VTI1A: variants seen among roughly 807,000 people sequenced by gnomAD.
VTI1A encodes the protein vesicle transport through interaction with t-SNAREs homolog 1A.
A neutral mutation model predicts 34.9 loss-of-function variants in VTI1A; 22 were observed. The observed-to-expected ratio is 0.63, with a 90% confidence interval of 0.45 to 0.90. VTI1A has a LOEUF of 0.90. Ranked by LOEUF, VTI1A falls within the 40% of genes least tolerant of loss-of-function variation. VTI1A has a pLI of 0.00. For missense variants in VTI1A, 268 were observed against 275.6 expected, an observed-to-expected ratio of 0.97 and a Z score of 0.20; for synonymous variants, 87 against 97.3, an observed-to-expected ratio of 0.89 and a Z score of 0.62.
chr10:112,751,547 T>A (rs1417534482), intron 7 of VTI1A, among the ~76,000 whole-genome samples: 1 of 145,242 alleles, frequency 6.9e-6, no homozygotes, highest in Non-Finnish European at 1.5e-5. Flanking sequence ...GCTGCCCACA[T>A]CTCATGGGGA....
intron 7 of VTI1A, among the ~76,000 whole-genome samples, chr10:112,670,235 G>A (rs1847799757): frequency 6.6e-6 from 1 of 152,078 alleles, no homozygotes; most frequent in Admixed American, 6.6e-5. Flanking sequence ...GAGCTGTAAC[G>A]AATATTCTGC....
intron 1 of VTI1A, among the ~76,000 whole-genome samples, chr10:112,452,528 A>T (rs1165234233): frequency 1.3e-5 from 2 of 149,966 alleles, no homozygotes; most frequent in African/African-American, 4.9e-5. Flanking sequence ...AGATTGCGCC[A>T]CTGCACTCCA....
At chr10:112,645,341 G>A (rs1846733124) in intron 5 of VTI1A, among the ~76,000 whole-genome samples, 1 of 152,166 alleles carries the variant, frequency 6.6e-6, no homozygotes, top group Non-Finnish European at 1.5e-5. Flanking sequence ...GTGTAAATGG[G>A]TATATATTTG....
At chr10:112,642,648 A>G (rs898607514) in intron 5 of VTI1A, among the ~76,000 whole-genome samples, 16 of 152,056 alleles carry the variant, frequency 1.1e-4, no homozygotes, top group African/African-American at 3.9e-4. Flanking sequence ...CTAAATGATT[A>G]CCATTTGTGA....
At chr10:112,493,678 A>C (rs1174097186) in intron 3 of VTI1A, among the ~76,000 whole-genome samples, 2 of 152,186 alleles carry the variant, frequency 1.3e-5, no homozygotes, top group African/African-American at 4.8e-5. Flanking sequence ...TATATTATAA[A>C]TAGGTGTTGG....
At chr10:112,559,344 T>C (rs946594074) in intron 5 of VTI1A, among the ~76,000 whole-genome samples, 1 of 152,244 alleles carries the variant, frequency 6.6e-6, no homozygotes, top group African/African-American at 2.4e-5. Flanking sequence ...TAATAATGAA[T>C]GCTTTACTTT....
intron 5 of VTI1A, among the ~76,000 whole-genome samples, chr10:112,583,561 G>A (rs1417749848): frequency 6.6e-6 from 1 of 152,176 alleles, no homozygotes; most frequent in African/African-American, 2.4e-5. Context: ...AAGGCTGTGG[G>A]TGCTGTGAAT....
Position 112,707,566 on chromosome 10 carries a change from T to TTTGTCA in VTI1A, c.560+38568_560+38569insTTGTCA, listed in dbSNP as rs574472286. Reference sequence around the variant, plus strand: ...TCAGGCTGGTCTCGAACTCCTGACCTGGTGGTCTGCCCGCCTCTGCCTCCC... The same window carrying TTTGTCA: ...TCAGGCTGGTCTCGAACTCCTGACCTTTGTCAGGTGGTCTGCCCGCCTCTGCCTCCC... On this transcript the variant is annotated intron_variant, in intron 7 of 7. Transcript: ENST00000393077. Among the ~76,000 whole-genome samples the TTTGTCA allele has an allele frequency of 5.9e-3, 903 of 152,250 alleles. 2 individuals carry two copies. The highest frequency in any genetic ancestry group is 8.6e-3 in the Non-Finnish European group (582 of 68,026).
intron 5 of VTI1A, among the ~76,000 whole-genome samples, chr10:112,569,999 A>T (rs1030564175): frequency 9.9e-5 from 15 of 152,192 alleles, no homozygotes; most frequent in Non-Finnish European, 2.1e-4. Context: ...CAGTACCACC[A>T]ATTCCCTGCA....
intron 7 of VTI1A, among the ~76,000 whole-genome samples, chr10:112,738,594 A>G (rs1319988079): frequency 1.3e-5 from 2 of 152,236 alleles, no homozygotes; most frequent in Admixed American, 6.5e-5. Context: ...CAAGACATGT[A>G]AAGTTCAGTG....
chr10:112,737,480 T>TTCCGCA, intron 7 of VTI1A: 1 of 1,049,578 alleles, frequency 9.5e-7, no homozygotes, highest in Non-Finnish European at 1.2e-6. Context: ...TTAAAGTCTC[T>TTCCGCA]TCCGCATCTT....
At chr10:112,475,745 A>T (rs1191262054) in intron 3 of VTI1A, among the ~76,000 whole-genome samples, 1 of 152,194 alleles carries the variant, frequency 6.6e-6, no homozygotes. Context: ...AAACCAGATA[A>T]GATTTTGAGA....
chr10:112,447,616 T>A, intron 1 of VTI1A, 149 bp downstream of exon 1: 1 of 932,648 alleles, frequency 1.1e-6, no homozygotes, highest in Non-Finnish European at 1.6e-6. Context: ...CTTGGCTTGG[T>A]TGAGGGTAAG....
At chr10:112,642,726 G>C (rs1348461443) in intron 5 of VTI1A, among the ~76,000 whole-genome samples, 1 of 152,050 alleles carries the variant, frequency 6.6e-6, no homozygotes, top group Non-Finnish European at 1.5e-5. Context: ...CAGTCTAATG[G>C]GGAGACAGGC....
chr10:112,662,779 C>T (rs189936834), intron 5 of VTI1A, among the ~76,000 whole-genome samples: 91 of 151,790 alleles, frequency 6.0e-4, no homozygotes, highest in African/African-American at 2.1e-3. Flanking sequence ...TGTTTTTTTC[C>T]GAAAACATTT....
chr10:112,627,470 A>T (rs1035690876), intron 5 of VTI1A, among the ~76,000 whole-genome samples: 2 of 152,208 alleles, frequency 1.3e-5, no homozygotes, highest in East Asian at 3.8e-4. Context: ...AGATAGAAGT[A>T]TATAAAAAAA....
At chr10:112,450,953 A>C (rs1278010532) in intron 1 of VTI1A, among the ~76,000 whole-genome samples, 2 of 152,216 alleles carry the variant, frequency 1.3e-5, no homozygotes, top group Non-Finnish European at 2.9e-5. Flanking sequence ...CCTCTGGTGC[A>C]AAGATTCTGT....
intron 7 of VTI1A, among the ~76,000 whole-genome samples, chr10:112,768,724 C>G (rs1851717002): frequency 6.6e-6 from 1 of 152,240 alleles, no homozygotes; most frequent in South Asian, 2.1e-4. Flanking sequence ...CAGAGCATTA[C>G]TAGGGCAATT....
At chr10:112,726,714 A>G (rs534789568) in intron 7 of VTI1A, among the ~76,000 whole-genome samples, 133 of 152,348 alleles carry the variant, frequency 8.7e-4, no homozygotes, top group Non-Finnish European at 1.6e-3. Context: ...ACAAAATTTT[A>G]CAGACAATTT....
Sources: gnomAD v4.1 joint callset for allele counts (sites outside exome capture counted in the v4.1 genomes callset) on GRCh38, gnomAD v4.1.1 for gene constraint, MANE v1.5 for transcripts, NCBI Gene and HGNC (gene_info 2026-07-23, HGNC 2026-07-21) for gene names.